PLCL2: variants seen among roughly 807,000 people sequenced by gnomAD.
The protein encoded by PLCL2 is inactive phospholipase C-like protein 2.
Under a neutral mutation model 79.6 loss-of-function variants are expected in PLCL2, and 4 were observed. The ratio of observed to expected loss-of-function variants is 0.05; its 90% CI spans 0.02 to 0.11. PLCL2 has a LOEUF of 0.11. PLCL2 is among the 10% of genes least tolerant of loss of function. The pLI, the probability that PLCL2 is intolerant of heterozygous loss-of-function variation, is 1.00. For synonymous variants in PLCL2, 484 were observed against 457.7 expected (o/e 1.06, Z -0.73); for missense variants, 895 against 1,291.0 (o/e 0.69, Z 4.70).
intron 1 of PLCL2, among the ~76,000 whole-genome samples, chr3:16,966,554 C>T (rs367900994): frequency 6.6e-6 from 1 of 152,054 alleles, no homozygotes; most frequent in African/African-American, 2.4e-5. Flanking sequence ...GGGAGGATAC[C>T]TTCTTTTTCT....
intron 1 of PLCL2, among the ~76,000 whole-genome samples, chr3:16,910,445 C>T (rs1051438748): frequency 3.3e-5 from 5 of 152,128 alleles, no homozygotes; most frequent in Admixed American, 6.5e-5. Context: ...ACACTTACTT[C>T]GCTTGGCTTC....
chr3:16,962,664 G>A (rs2063765910), intron 1 of PLCL2, among the ~76,000 whole-genome samples: 1 of 151,958 alleles, frequency 6.6e-6, no homozygotes, highest in African/African-American at 2.4e-5. Flanking sequence ...AAATCAGAGG[G>A]GAGCAAAAGG....
intron 1 of PLCL2, among the ~76,000 whole-genome samples, chr3:16,940,438 G>T (rs1183506970): frequency 5.9e-5 from 9 of 152,116 alleles, no homozygotes; most frequent in Non-Finnish European, 1.3e-4. Flanking sequence ...TAAGTTCCAT[G>T]TTGTAAACTG....
chr3:16,934,024 A>G (rs1301568147), intron 1 of PLCL2, among the ~76,000 whole-genome samples: 2 of 152,140 alleles, frequency 1.3e-5, no homozygotes, highest in African/African-American at 2.4e-5. Flanking sequence ...CCCAGATTGC[A>G]CCACTGCACT....
At chr3:17,068,105 C>A in intron 5 of PLCL2, 40 bp downstream of exon 5, 2 of 1,081,124 alleles carry the variant, frequency 1.8e-6, no homozygotes, top group Non-Finnish European at 2.9e-6. Flanking sequence ...GATTTTGCAG[C>A]CTCTTTCAGC....
intron 1 of PLCL2, among the ~76,000 whole-genome samples, chr3:16,896,778 C>G (rs547351911): frequency 7.2e-5 from 11 of 152,256 alleles, no homozygotes; most frequent in Non-Finnish European, 1.6e-4. Context: ...TCTGCCTAAT[C>G]TAAATATTCT....
intron 1 of PLCL2, among the ~76,000 whole-genome samples, chr3:16,956,607 C>T (rs1212699398): frequency 6.6e-6 from 1 of 152,122 alleles, no homozygotes; most frequent in Non-Finnish European, 1.5e-5. Flanking sequence ...AGGAATGGTA[C>T]CAGCTCCTCC....
At chr3:17,076,113 G>A (rs2065106433) in intron 5 of PLCL2, among the ~76,000 whole-genome samples, 1 of 152,132 alleles carries the variant, frequency 6.6e-6, no homozygotes, top group African/African-American at 2.4e-5. Context: ...AACAACTGAT[G>A]TTCCATTTTG....
chr3:17,003,090 C>T (rs1316272576), intron 1 of PLCL2, among the ~76,000 whole-genome samples: 2 of 152,152 alleles, frequency 1.3e-5, no homozygotes, highest in African/African-American at 4.8e-5. Context: ...TTCTGAGTCA[C>T]TTCTAGAGTC....
At chr3:16,928,787 G>A (rs1047505405) in intron 1 of PLCL2, among the ~76,000 whole-genome samples, 5 of 152,192 alleles carry the variant, frequency 3.3e-5, no homozygotes, top group African/African-American at 1.2e-4. Flanking sequence ...ACCATGCTTG[G>A]CATATAAGAA....
intron 1 of PLCL2, among the ~76,000 whole-genome samples, chr3:16,986,831 G>T (rs2064054908): frequency 1.3e-5 from 2 of 152,094 alleles, no homozygotes; most frequent in South Asian, 4.1e-4. Flanking sequence ...GTAGGATGGG[G>T]ATCAAGCTGA....
chr3:16,920,237 A>G (rs576559124), intron 1 of PLCL2, among the ~76,000 whole-genome samples: 1 of 152,168 alleles, frequency 6.6e-6, no homozygotes, highest in African/African-American at 2.4e-5. Flanking sequence ...AGATTCTGGA[A>G]CAGCCTCTTT....
chr3:17,010,358 C>T lies in PLCL2; in HGVS notation c.1012C>T (p.Leu338Phe). ...KEEFIEVFHELCTRPEIYFLL... is the reference protein window; with the variant it reads ...KEEFIEVFHEFCTRPEIYFLL... ...AGAATTTATTGAGGTTTTTCATGAGCTTTGTACTAGACCTGAAATTTATTT... is the reference window on the plus strand; with the variant it reads ...AGAATTTATTGAGGTTTTTCATGAGTTTTGTACTAGACCTGAAATTTATTT... Residue 338 changes from leucine to phenylalanine, a missense_variant, in exon 2 of 6, where the codon CTT becomes TTT. Transcript: ENST00000615277. The surrounding 1 kb of genome is among the most constrained non-coding windows in gnomAD (Gnocchi z 5.8). The T allele has an allele frequency of 6.2e-7, 1 of 1,613,970 alleles. No individual in the cohort carries two copies. Among genetic ancestry groups the T allele is most frequent in the Non-Finnish European group, 8.5e-7 (1 of 1,179,956 alleles).
chr3:16,905,549 G>A (rs919640453), intron 1 of PLCL2, among the ~76,000 whole-genome samples: 5 of 151,996 alleles, frequency 3.3e-5, no homozygotes, highest in Non-Finnish European at 5.9e-5. Flanking sequence ...AGAGTGAGAA[G>A]TATAATTATT....
chr3:17,087,624 C>G (rs1211776514), intron 5 of PLCL2, among the ~76,000 whole-genome samples: 2 of 152,064 alleles, frequency 1.3e-5, no homozygotes, highest in African/African-American at 4.8e-5. Context: ...TACACAAAAC[C>G]AAGGGTGAGC....
chr3:17,023,097 C>G (rs2064473896), intron 3 of PLCL2, among the ~76,000 whole-genome samples: 1 of 152,160 alleles, frequency 6.6e-6, no homozygotes, highest in African/African-American at 2.4e-5. Flanking sequence ...TCCTCTCCTC[C>G]ACTTTCTATT....
intron 1 of PLCL2, among the ~76,000 whole-genome samples, chr3:16,904,796 T>C (rs1696714092): frequency 1.3e-5 from 2 of 152,068 alleles, no homozygotes; most frequent in South Asian, 4.1e-4. Flanking sequence ...TGAGTTCTCA[T>C]GAGATCTGAT....
chr3:16,939,369 T>C (rs1697621361), intron 1 of PLCL2, among the ~76,000 whole-genome samples: 1 of 152,250 alleles, frequency 6.6e-6, no homozygotes, highest in African/African-American at 2.4e-5. Flanking sequence ...GACATGGAAC[T>C]ATGAAAGTCA....
chr3:17,082,970 A>T (rs4685427), intron 5 of PLCL2, among the ~76,000 whole-genome samples: 82,717 of 151,966 alleles, frequency 0.54, 22,969 homozygotes, highest in African/African-American at 0.65. Flanking sequence ...TTTAATTACA[A>T]TACTTTAATT....
Sources: gnomAD v4.1 joint callset for allele counts (sites outside exome capture counted in the v4.1 genomes callset) on GRCh38, gnomAD v4.1.1 for gene constraint, Gnocchi (gnomAD v3.1) non-coding constraint, MANE v1.5 for transcripts, NCBI Gene and HGNC (gene_info 2026-07-23, HGNC 2026-07-21) for gene names.